Variants in ANKRD36 observed in about 807,000 individuals in gnomAD.
The protein encoded by ANKRD36 is ankyrin repeat domain-containing protein 36A.
Under a neutral mutation model 278.1 loss-of-function variants are expected in ANKRD36, and 179 were observed. That is an observed-to-expected ratio of 0.64 (90% CI 0.57 to 0.73). ANKRD36 has a LOEUF of 0.73. Among genes scored for constraint, ANKRD36 ranks in the 30% least tolerant of loss-of-function variants. The pLI is 0.00. For synonymous variants in ANKRD36, 320 were observed against 641.1 expected, an observed-to-expected ratio of 0.50 and a Z score of 7.57; for missense variants, 1,159 against 1,956.7, an observed-to-expected ratio of 0.59 and a Z score of 7.69.
At chr2:97,145,662 T>A (rs1194997466) in intron 10 of ANKRD36, among the ~76,000 whole-genome samples, 1 of 152,066 alleles carries the variant, frequency 6.6e-6, no homozygotes, top group Non-Finnish European at 1.5e-5. Flanking sequence ...GTAGCAACTT[T>A]ATTTTGTGTA....
intron 75 of ANKRD36, among the ~76,000 whole-genome samples, chr2:97,262,886 G>A (rs1446103235): frequency 6.9e-6 from 1 of 144,380 alleles, no homozygotes; most frequent in Non-Finnish European, 1.5e-5. Context: ...AGATGCCACT[G>A]CCATTCTTCT....
chr2:97,194,485 G>T (rs552502314), intron 38 of ANKRD36, among the ~76,000 whole-genome samples: 1 of 151,462 alleles, frequency 6.6e-6, no homozygotes, highest in Non-Finnish European at 1.5e-5. Context: ...TTTTATTTTA[G>T]CTTTCGACAC....
chr2:97,149,413 A>G (rs1186226994), intron 12 of ANKRD36, 52 bp downstream of exon 12: 24 of 1,416,344 alleles, frequency 1.7e-5, no homozygotes, highest in African/African-American at 4.4e-5. Context: ...CTCATTTTTT[A>G]TATTATTTTC....
At chr2:97,156,561 T>A (rs1447248472) in intron 15 of ANKRD36, among the ~76,000 whole-genome samples, 1 of 136,094 alleles carries the variant, frequency 7.3e-6, no homozygotes, top group African/African-American at 2.5e-5. Flanking sequence ...CATCATTTTT[T>A]ATGGCTGCAT....
intron 14 of ANKRD36, among the ~76,000 whole-genome samples, chr2:97,153,617 G>A (rs200274978): frequency 5.7e-5 from 8 of 139,934 alleles, no homozygotes; most frequent in African/African-American, 1.5e-4. Flanking sequence ...AGTTCAAAAC[G>A]CAGTCTTCTT....
chr2:97,182,899 T>C (rs912702411), intron 26 of ANKRD36, among the ~76,000 whole-genome samples: 14 of 151,802 alleles, frequency 9.2e-5, no homozygotes, highest in African/African-American at 3.4e-4. Context: ...GAATATTATA[T>C]TCAGGATTAT....
chr2:97,145,536 A>G (rs1475309416), intron 10 of ANKRD36, among the ~76,000 whole-genome samples: 1 of 152,122 alleles, frequency 6.6e-6, no homozygotes. Flanking sequence ...CCTTCAAACC[A>G]GACTATTTTA....
At chr2:97,176,831 A>G (rs2054401662) in intron 22 of ANKRD36, among the ~76,000 whole-genome samples, 1 of 151,612 alleles carries the variant, frequency 6.6e-6, no homozygotes, top group Admixed American at 6.6e-5. Flanking sequence ...GTGGTGACAA[A>G]ATCTCTCAGC....
At chr2:97,184,744 A>C in intron 28 of ANKRD36, among the ~76,000 whole-genome samples, 1 of 151,756 alleles carries the variant, frequency 6.6e-6, no homozygotes, top group East Asian at 1.9e-4. Context: ...CCACATGTGT[A>C]TGATAAATAA....
chr2:97,191,279 A>T (rs1172165039), intron 36 of ANKRD36, 98 bp downstream of exon 36: 2 of 1,294,766 alleles, frequency 1.5e-6, no homozygotes, highest in Non-Finnish European at 2.1e-6. Context: ...GAAGCTGCAC[A>T]TTATCATTCA....
intron 67 of ANKRD36, among the ~76,000 whole-genome samples, chr2:97,231,021 C>T (rs1458798448): frequency 6.0e-4 from 92 of 152,140 alleles, no homozygotes; most frequent in Non-Finnish European, 9.7e-4. Context: ...GAGGAGTACC[C>T]GGCTGTGTGA....
At chr2:97,172,465 T>G (rs1005378436) in intron 22 of ANKRD36, among the ~76,000 whole-genome samples, 8 of 151,958 alleles carry the variant, frequency 5.3e-5, no homozygotes. Flanking sequence ...TTTTATTGAT[T>G]TGTACTATAT....
intron 40 of ANKRD36, among the ~76,000 whole-genome samples, chr2:97,195,706 A>G (rs1292659467): frequency 3.3e-5 from 5 of 151,966 alleles, no homozygotes; most frequent in Admixed American, 3.3e-4. Context: ...GTTTAATGAA[A>G]CTTCTTTAGA....
chr2:97,183,386 A>G (rs1287863462), intron 26 of ANKRD36, 73 bp from the exon 27 acceptor site: 12 of 1,467,014 alleles, frequency 8.2e-6, no homozygotes, highest in Non-Finnish European at 1.1e-5. Context: ...GCTTGATGCT[A>G]ACACTGCATG....
intron 15 of ANKRD36, among the ~76,000 whole-genome samples, chr2:97,157,132 T>C (rs967220095): frequency 3.1e-5 from 1 of 31,980 alleles, no homozygotes; most frequent in African/African-American, 5.3e-5. Context: ...TTTTTTTTCC[T>C]CTCTCTCTCT....
In ANKRD36 at chr2:97,142,505, G is replaced by A. The variant is rs878945517; in HGVS notation, c.800-135G>A. On this transcript the variant is annotated intron_variant, in intron 6 of 75. Coordinates refer to ENST00000420699, the MANE Select transcript of ANKRD36 (RefSeq NM_001354587.1). ...TATTTCTGTCATGTTCCAGTCCCAA[G>A]ACACAAAGTATAAAACATAAAAACC... The A allele has an allele frequency of 1.0e-5, 14 of 1,383,134 alleles. No homozygotes were observed. In the South Asian group the frequency reaches 1.6e-4, roughly 16 times the overall value. 85.7% of individuals were successfully genotyped at this position (1,383,134 alleles called of 1,614,324 possible). A position where few individuals can be genotyped will look rare whatever the true frequency, so the allele number is the denominator to read the frequency against.
chr2:97,195,015 T>G, intron 40 of ANKRD36, 98 bp downstream of exon 40: 1 of 1,465,270 alleles, frequency 6.8e-7, no homozygotes, highest in Non-Finnish European at 9.2e-7. Flanking sequence ...ATGCACATTC[T>G]GATTCAGCAG....
chr2:97,113,463 C>G lies in ANKRD36; in HGVS notation c.-277C>G. On this transcript the variant is annotated 5_prime_UTR_variant, in exon 1 of 76. Transcript: ENST00000420699. ...CGCGCTCCAGGGAGCCCCGCCCTCC[C>G]GCGGCACCTCCGCAGCAACCGCCGC... The G allele has an allele frequency of 8.2e-6, 4 of 489,456 alleles. No individual in the cohort carries two copies. Among genetic ancestry groups the G allele is most frequent in the Non-Finnish European group, 1.4e-5 (4 of 279,764 alleles). 30.3% of individuals were successfully genotyped at this position (489,456 alleles called of 1,614,324 possible).
chr2:97,228,083 T>C (rs1482156856), intron 67 of ANKRD36, among the ~76,000 whole-genome samples: 1 of 152,114 alleles, frequency 6.6e-6, no homozygotes, highest in Non-Finnish European at 1.5e-5. Context: ...TTAAGGATAC[T>C]GGTCTAAAAT....
Sources: gnomAD v4.1 joint callset for allele counts (sites outside exome capture counted in the v4.1 genomes callset) on GRCh38, gnomAD v4.1.1 for gene constraint, MANE v1.5 for transcripts, NCBI Gene and HGNC (gene_info 2026-07-23, HGNC 2026-07-21) for gene names.